BICDL1: variants seen among roughly 807,000 people sequenced by gnomAD.
The protein encoded by BICDL1 is BICD family like cargo adaptor 1, also known as BICD family-like cargo adapter 1.
Under a neutral mutation model 76.8 loss-of-function variants are expected in BICDL1, and 20 were observed. That is an observed-to-expected ratio of 0.26 (90% CI 0.18 to 0.38). BICDL1 has a LOEUF of 0.38. BICDL1 is among the 10% of genes least tolerant of loss of function. The pLI is 1.00. For missense variants in BICDL1, 700 were observed against 798.6 expected (o/e 0.88, Z 1.49); for synonymous variants, 383 against 337.1 (o/e 1.14, Z -1.49).
chr12:120,029,291 C>G (rs553631515), intron 2 of BICDL1, among the ~76,000 whole-genome samples: 1 of 152,302 alleles, frequency 6.6e-6, no homozygotes, highest in South Asian at 2.1e-4. Context: ...ATAATTTTAC[C>G]TAAAGGTTAG....
intron 2 of BICDL1, among the ~76,000 whole-genome samples, chr12:120,013,443 T>A (rs886337796): frequency 5.2e-5 from 6 of 115,854 alleles, no homozygotes; most frequent in Non-Finnish European, 1.7e-5. Flanking sequence ...AACCAGAGTG[T>A]GTGTGTGTGT....
intron 2 of BICDL1, among the ~76,000 whole-genome samples, chr12:120,013,610 C>T (rs924940463): frequency 5.9e-5 from 9 of 151,706 alleles, no homozygotes; most frequent in Non-Finnish European, 1.2e-4. Flanking sequence ...TACAGGTGCC[C>T]GCCACCACGC....
intron 2 of BICDL1, among the ~76,000 whole-genome samples, chr12:120,010,177 C>T (rs1023196358): frequency 1.3e-5 from 2 of 152,330 alleles, no homozygotes; most frequent in Admixed American, 6.5e-5. Context: ...CTTCTATTAA[C>T]TAAAGAGTAT....
At chr12:120,033,076 T>C (rs760986155) in intron 2 of BICDL1, among the ~76,000 whole-genome samples, 5 of 152,056 alleles carry the variant, frequency 3.3e-5, no homozygotes, top group Non-Finnish European at 4.4e-5. Context: ...TCATATAATA[T>C]GCTGCATGTA....
chr12:120,093,220 C>T lies in BICDL1; in HGVS notation c.*59C>T. The T allele has an allele frequency of 3.3e-6, 5 of 1,534,964 alleles. No homozygotes were observed. Among genetic ancestry groups the T allele is most frequent in the Non-Finnish European group, 4.4e-6 (5 of 1,134,210 alleles). On this transcript the variant is annotated 3_prime_UTR_variant, in exon 10 of 10. Coordinates refer to ENST00000548673, the MANE Select transcript of BICDL1 (RefSeq NM_001367886.1). The stretch of plus-strand genomic sequence containing the variant: ...ACTGGAGGCAGCTGGAAAGGCGGTG[C>T]AGGCAAGGCCTCCCCTGCAGCTTGC...
At chr12:120,042,975 G>A (rs552652863) in intron 2 of BICDL1, among the ~76,000 whole-genome samples, 35 of 152,266 alleles carry the variant, frequency 2.3e-4, no homozygotes, top group African/African-American at 8.2e-4. Context: ...TTTCCCTTGG[G>A]TGTGGTGGTG....
At chr12:120,027,391 A>G (rs1952329113) in intron 2 of BICDL1, among the ~76,000 whole-genome samples, 1 of 152,168 alleles carries the variant, frequency 6.6e-6, no homozygotes, top group African/African-American at 2.4e-5. Context: ...CTCTTGAGGT[A>G]CCACTTTACC....
intron 7 of BICDL1, among the ~76,000 whole-genome samples, chr12:120,077,512 A>C (rs1032846565): frequency 6.6e-6 from 1 of 152,110 alleles, no homozygotes. Context: ...CAGGCCTGTC[A>C]CCCAGGTGGC....
chr12:120,061,651 C>T (rs1369425240), intron 2 of BICDL1, 59 bp from the exon 3 acceptor site: 2 of 1,178,184 alleles, frequency 1.7e-6, no homozygotes, highest in Admixed American at 3.4e-5. Flanking sequence ...AAGCAGAAAC[C>T]TTAACAGAGT....
At chr12:120,064,244 G>A (rs530381012) in intron 3 of BICDL1, among the ~76,000 whole-genome samples, 8 of 152,088 alleles carry the variant, frequency 5.3e-5, no homozygotes, top group African/African-American at 1.9e-4. Context: ...GTGCCAGAGG[G>A]GCCAGGAGCG....
chr12:120,083,007 C>G (rs963159129), intron 8 of BICDL1, among the ~76,000 whole-genome samples: 1 of 151,934 alleles, frequency 6.6e-6, no homozygotes, highest in Admixed American at 6.6e-5. Context: ...GGATTACAGG[C>G]ACACACCACC....
intron 2 of BICDL1, among the ~76,000 whole-genome samples, chr12:120,029,573 T>C (rs1388410827): frequency 6.6e-6 from 1 of 152,226 alleles, no homozygotes; most frequent in Non-Finnish European, 1.5e-5. Flanking sequence ...TTGCAGTATA[T>C]GTTAGTACAC....
intron 7 of BICDL1, among the ~76,000 whole-genome samples, chr12:120,076,145 TGAG>T (rs1873527750): frequency 6.6e-6 from 1 of 152,002 alleles, no homozygotes. Flanking sequence ...GATGACAGAG[TGAG>T]ACTCTGTCTC....
At chr12:120,092,596 C>G (rs370542227) in intron 9 of BICDL1, 1 of 985,410 alleles carries the variant, frequency 1.0e-6, no homozygotes, top group Non-Finnish European at 1.2e-6. Flanking sequence ...TAGGGCCTGC[C>G]GGGGCTGGGG....
chr12:120,070,800 C>T (rs570229473), intron 4 of BICDL1, among the ~76,000 whole-genome samples: 4 of 150,252 alleles, frequency 2.7e-5, no homozygotes, highest in South Asian at 2.1e-4. Flanking sequence ...GGCGCAATCT[C>T]GGCTCACTGT....
rs1471828661 is a variant in BICDL1 at position 119,998,637 on chromosome 12, G to A, written c.546G>A (p.Glu182=). The A allele has an allele frequency of 6.2e-7, 1 of 1,614,020 alleles. No homozygotes were observed. Among genetic ancestry groups the A allele is most frequent in the Non-Finnish European group, 8.5e-7 (1 of 1,180,036 alleles). The part of the protein sequence containing the change: ...SDVKQLQDEL[E]RQQIHLREAD... ...TGAAGCAGCTACAGGATGAGTTGGA[G>A]AGGCAGCAGATTCATCTGCGGGAAG... The change falls in exon 2 of 10, where the codon GAG becomes GAA. Residue 182 remains glutamate (E), a synonymous_variant. Transcript: ENST00000548673.
intron 8 of BICDL1, among the ~76,000 whole-genome samples, chr12:120,088,062 G>A (rs1461562786): frequency 6.6e-6 from 1 of 152,108 alleles, no homozygotes; most frequent in South Asian, 2.1e-4. Flanking sequence ...CTGAGTAGCT[G>A]GGATTACAGG....
Position 119,989,907 on chromosome 12 carries a change from A to G in BICDL1, c.39A>G (p.Ser13=). The change falls in exon 1 of 10, where the codon TCA becomes TCG. Residue 13 remains serine, a synonymous_variant. Coordinates refer to ENST00000548673, the MANE Select transcript of BICDL1 (RefSeq NM_001367886.1). ...AFCLGLVGRA[S]APAEPDSACC... ...GCCTGGGCTTGGTCGGCCGCGCTTC[A>G]GCACCCGCCGAGCCGGACAGCGCCT... 2.1e-6 allele frequency: 3 copies of G among 1,451,976 alleles called. No homozygotes were observed. Among genetic ancestry groups the G allele is most frequent in the Admixed American group, 2.7e-5 (1 of 36,556 alleles). 89.9% of individuals were successfully genotyped at this position (1,451,976 alleles called of 1,614,324 possible). A position where few individuals can be genotyped will look rare whatever the true frequency, so the allele number is the denominator to read the frequency against.
At position 120,071,788 on chromosome 12, in the gene BICDL1, A is replaced by G. The variant is rs1252426001; in HGVS notation, c.1076A>G (p.Gln359Arg). 1 of 1,608,172 alleles carries G rather than the reference A, an allele frequency of 6.2e-7. No homozygotes were observed. The change falls in exon 5 of 10, where the codon CAG becomes CGG. Residue 359 changes from glutamine to arginine, a missense_variant. Physicochemically the swap from Gln to Arg is conservative, Grantham distance 43 (BLOSUM62 1). Around this residue, in one of 3 missense-constraint regions of BICDL1, gnomAD observed 455 missense variants for 548.7 expected, o/e 0.83. Transcript: ENST00000548673. The surrounding 1 kb of genome is among the most constrained non-coding windows in gnomAD (Gnocchi z 4.8). Reference sequence around the variant, plus strand: ...AGCATGGAGGCTGAGGAGCTGGAGCAGGAGCGAGAGCAGGTGCTGACCTGC... The same window carrying G: ...AGCATGGAGGCTGAGGAGCTGGAGCGGGAGCGAGAGCAGGTGCTGACCTGC... ...EQSMEAEELE[Q>R]EREQLRLQLW...
Sources: allele counts gnomAD v4.1 joint callset (sites outside exome capture counted in the v4.1 genomes callset), GRCh38; gene constraint gnomAD v4.1.1; regional missense constraint gnomAD v4.1.1; non-coding constraint Gnocchi (gnomAD v3.1); transcripts MANE v1.5; gene names NCBI Gene and HGNC (gene_info 2026-07-23, HGNC 2026-07-21).